The following SIPA1L2 variants were observed in gnomAD, a reference collection of about 807,000 sequenced individuals.
The protein encoded by SIPA1L2 is signal-induced proliferation-associated 1-like protein 2.
Under a neutral mutation model 163.9 loss-of-function variants are expected in SIPA1L2, and 56 were observed. The observed-to-expected ratio is 0.34, with a 90% confidence interval of 0.28 to 0.43. The LOEUF (loss-of-function observed/expected upper bound fraction) is 0.43, where lower values mean the gene tolerates loss of function less well. Ranked by LOEUF, SIPA1L2 falls within the 20% of genes least tolerant of loss-of-function variation. The pLI is 1.00. For synonymous variants in SIPA1L2, 877 were observed against 865.7 expected (o/e 1.01, Z -0.23); for missense variants, 1,974 against 2,193.5 (o/e 0.90, Z 2.00).
intron 19 of SIPA1L2, among the ~76,000 whole-genome samples, chr1:232,410,573 T>A (rs1289919138): frequency 6.7e-6 from 1 of 150,190 alleles, no homozygotes; most frequent in Non-Finnish European, 1.5e-5. Context: ...CGCAAGGGCA[T>A]CATTACTCTT....
chr1:232,503,288 G>A (rs574147938), intron 3 of SIPA1L2, among the ~76,000 whole-genome samples: 1 of 152,314 alleles, frequency 6.6e-6, no homozygotes, highest in Admixed American at 6.5e-5. Context: ...GTGCATTTCT[G>A]TGGTGCATTG....
chr1:232,535,404 T>C (rs912949216), intron 2 of SIPA1L2, among the ~76,000 whole-genome samples: 4 of 152,224 alleles, frequency 2.6e-5, no homozygotes, highest in African/African-American at 7.2e-5. Context: ...AAAATGTCTT[T>C]AGTCTGAAAT....
chr1:232,480,150 T>C (rs867893361), intron 6 of SIPA1L2, among the ~76,000 whole-genome samples: 22 of 124,956 alleles, frequency 1.8e-4, no homozygotes, highest in African/African-American at 3.4e-4. Flanking sequence ...TGTGTGTGTG[T>C]GTGCGTGTGT....
In SIPA1L2 at chr1:232,402,373, T is replaced by C; in HGVS notation, c.5022+19A>G. On this transcript the variant is annotated intron_variant, in intron 22 of 22. Coordinates refer to ENST00000674635, the MANE Select transcript of SIPA1L2 (RefSeq NM_020808.5). ...TTTATAAGAGAAACAGTTCTGATTATGCTCTTCCAATTGATTACCTTCCGA... is the reference window on the plus strand; with the variant it reads ...TTTATAAGAGAAACAGTTCTGATTACGCTCTTCCAATTGATTACCTTCCGA... The C allele has an allele frequency of 1.2e-6, 2 of 1,607,012 alleles. No homozygotes were observed. Among genetic ancestry groups the C allele is most frequent in the Non-Finnish European group, 1.7e-6 (2 of 1,174,928 alleles).
chr1:232,410,817 T>A (rs1203513497), intron 19 of SIPA1L2, among the ~76,000 whole-genome samples: 1 of 152,140 alleles, frequency 6.6e-6, no homozygotes, highest in African/African-American at 2.4e-5. Flanking sequence ...CTATGTCTCT[T>A]TTTTAAAATG....
At chr1:232,400,264 G>C (rs879608157) in intron 22 of SIPA1L2, among the ~76,000 whole-genome samples, 1 of 152,062 alleles carries the variant, frequency 6.6e-6, no homozygotes, top group Non-Finnish European at 1.5e-5. Flanking sequence ...TCCTCACCAC[G>C]ACTCTCAGTC....
intron 1 of SIPA1L2, among the ~76,000 whole-genome samples, chr1:232,601,987 A>C (rs1270629088): frequency 6.6e-6 from 1 of 152,172 alleles, no homozygotes; most frequent in Admixed American, 6.5e-5. Context: ...AAATTATTTC[A>C]GAGGGTGCAA....
At chr1:232,462,524 C>G in intron 9 of SIPA1L2, 1 of 490,832 alleles carries the variant, frequency 2.0e-6, no homozygotes, top group South Asian at 3.8e-5. Flanking sequence ...ACAGGCATGA[C>G]AGTTCACGAC....
chr1:232,588,578 T>A (rs1218891415), intron 1 of SIPA1L2, among the ~76,000 whole-genome samples: 2 of 152,192 alleles, frequency 1.3e-5, no homozygotes, highest in Non-Finnish European at 2.9e-5. Flanking sequence ...TCTACATACA[T>A]CTCGACCAAA....
At chr1:232,577,807 G>C (rs977513762) in intron 1 of SIPA1L2, among the ~76,000 whole-genome samples, 1 of 152,176 alleles carries the variant, frequency 6.6e-6, no homozygotes, top group Non-Finnish European at 1.5e-5. Context: ...GCTTTTTGTA[G>C]AGGAACAAAG....
chr1:232,494,340 T>G (rs755291925), intron 3 of SIPA1L2, among the ~76,000 whole-genome samples: 3 of 152,240 alleles, frequency 2.0e-5, no homozygotes, highest in Non-Finnish European at 2.9e-5. Flanking sequence ...CTGGTCCATC[T>G]ACATGGAAAG....
intron 1 of SIPA1L2, among the ~76,000 whole-genome samples, chr1:232,619,230 A>C (rs1159829274): frequency 1.3e-5 from 2 of 152,176 alleles, no homozygotes; most frequent in African/African-American, 4.8e-5. Context: ...ACCATTTTCC[A>C]AAGCTTAACT....
At chr1:232,417,922 C>T (rs905996947) in intron 18 of SIPA1L2, among the ~76,000 whole-genome samples, 1 of 152,204 alleles carries the variant, frequency 6.6e-6, no homozygotes. Context: ...GGGCCCACTG[C>T]AGCACTGTCC....
At chr1:232,509,293 A>G (rs1187838697) in intron 3 of SIPA1L2, among the ~76,000 whole-genome samples, 1 of 152,250 alleles carries the variant, frequency 6.6e-6, no homozygotes, top group Non-Finnish European at 1.5e-5. Flanking sequence ...TACCCAATAA[A>G]GAAGAAATCA....
chr1:232,471,122 T>C (rs1307374061), intron 8 of SIPA1L2, among the ~76,000 whole-genome samples: 2 of 152,192 alleles, frequency 1.3e-5, no homozygotes, highest in African/African-American at 2.4e-5. Context: ...AATTAAGCTA[T>C]TGATTCTGGC....
chr1:232,573,679 G>A (rs1299925815), intron 2 of SIPA1L2, among the ~76,000 whole-genome samples: 1 of 152,034 alleles, frequency 6.6e-6, no homozygotes, highest in African/African-American at 2.4e-5. Context: ...TTAGATGACC[G>A]TGCCCCCAGC....
At chr1:232,406,740 C>T (rs1489341574) in intron 19 of SIPA1L2, among the ~76,000 whole-genome samples, 2 of 152,054 alleles carry the variant, frequency 1.3e-5, no homozygotes, top group East Asian at 3.9e-4. Flanking sequence ...GGTGAATGGT[C>T]TGATCAACGC....
chr1:232,432,148 T>A, intron 16 of SIPA1L2, 99 bp downstream of exon 16: 1 of 980,276 alleles, frequency 1.0e-6, no homozygotes, highest in Non-Finnish European at 1.5e-6. Context: ...AGATTATTCT[T>A]TTTTAGAAAA....
At chr1:232,559,698 A>G (rs1573082240) in intron 2 of SIPA1L2, among the ~76,000 whole-genome samples, 2 of 152,308 alleles carry the variant, frequency 1.3e-5, no homozygotes, top group African/African-American at 4.8e-5. Context: ...ACAATTGAGG[A>G]GATTTTATTT....
Sources: allele counts gnomAD v4.1 joint callset (sites outside exome capture counted in the v4.1 genomes callset), GRCh38; gene constraint gnomAD v4.1.1; transcripts MANE v1.5; gene names NCBI Gene and HGNC (gene_info 2026-07-23, HGNC 2026-07-21).